Variants in ASPH observed in about 807,000 individuals in gnomAD.
ASPH encodes aspartate beta-hydroxylase.
ASPH carries 100 observed loss-of-function variants against 118.4 expected under a neutral mutation model. The observed-to-expected ratio is 0.84, with a 90% confidence interval of 0.72 to 1.00. ASPH has a LOEUF of 1.00. Among genes scored for constraint, ASPH ranks in the 50% least tolerant of loss-of-function variants. The pLI is 0.00. For synonymous variants in ASPH, 315 were observed against 325.6 expected (o/e 0.97, Z 0.35); for missense variants, 920 against 919.5 (o/e 1.00, Z -0.01).
chr8:61,684,279 T>G (rs966186666), intron 1 of ASPH, 91 bp from the exon 2 acceptor site: 3 of 1,323,744 alleles, frequency 2.3e-6, no homozygotes, highest in Non-Finnish European at 3.1e-6. Flanking sequence ...TTTGGGATTA[T>G]GTACAATGAT....
In ASPH at chr8:61,664,039, T is replaced by C. The variant is rs569507156; in HGVS notation, c.323-10379A>G. 13 of 933,896 alleles carry C rather than the reference T, an allele frequency of 1.4e-5. No homozygotes were observed. In the African/African-American group the frequency reaches 2.1e-4, roughly 15 times the overall value. 57.9% of individuals were successfully genotyped at this position (933,896 alleles called of 1,614,324 possible). On this transcript the variant is annotated intron_variant, in intron 3 of 24. Coordinates refer to ENST00000379454, the MANE Select transcript of ASPH (RefSeq NM_004318.4). ...GTAGCATTTTTGATTCTGTTGTTAATAAGGTTAACATTAAGAGAATCAAAA... is the reference window on the plus strand; with the variant it reads ...GTAGCATTTTTGATTCTGTTGTTAACAAGGTTAACATTAAGAGAATCAAAA...
intron 24 of ASPH, among the ~76,000 whole-genome samples, chr8:61,513,073 A>G (rs910551478): frequency 6.6e-6 from 1 of 152,266 alleles, no homozygotes; most frequent in African/African-American, 2.4e-5. Context: ...ATATTTAAAC[A>G]GTATACACAC....
At chr8:61,577,450 T>C (rs761449715) in intron 15 of ASPH, among the ~76,000 whole-genome samples, 8 of 94,482 alleles carry the variant, frequency 8.5e-5, no homozygotes, top group Non-Finnish European at 1.7e-4. Context: ...AATGATGTAA[T>C]ATGTGGTTTT....
intron 14 of ASPH, among the ~76,000 whole-genome samples, chr8:61,611,844 A>T (rs947573175): frequency 6.6e-6 from 1 of 152,226 alleles, no homozygotes; most frequent in African/African-American, 2.4e-5. Flanking sequence ...GCTGCTTTAC[A>T]CTGTTGGAGA....
chr8:61,584,407 A>G (rs1838629183), intron 14 of ASPH, among the ~76,000 whole-genome samples: 1 of 152,178 alleles, frequency 6.6e-6, no homozygotes, highest in African/African-American at 2.4e-5. Context: ...GAATATGTCC[A>G]CAACTTTTTC....
chr8:61,548,124 T>G lies in ASPH; in HGVS notation c.1711A>C (p.Lys571Gln), dbSNP rs1171267797. 3.7e-6 allele frequency: 6 copies of G among 1,614,064 alleles called. No homozygotes were observed. Among genetic ancestry groups the G allele is most frequent in the Non-Finnish European group, 5.1e-6 (6 of 1,179,912 alleles). ...TTTGGGGTCCACCAAGGCTGTGCTT[T>G]CAGTCCATTCACATTGTAGAGTGAG... ...QRSLYNVNGL[K>Q]AQPWWTPKET... Residue 571 changes from lysine (K) to glutamine (Q), a missense_variant, in exon 21 of 25, where the codon AAA (lysine) becomes CAA (glutamine). Lys to Gln is a moderately conservative substitution (Grantham distance 53, BLOSUM62 1). Coordinates refer to ENST00000379454, the MANE Select transcript of ASPH (RefSeq NM_004318.4).
intron 13 of ASPH, among the ~76,000 whole-genome samples, chr8:61,629,893 C>T (rs1358533732): frequency 1.3e-5 from 2 of 152,168 alleles, no homozygotes; most frequent in Admixed American, 6.5e-5. Flanking sequence ...CGATTTCTAC[C>T]ACTTGTCAGC....
At chr8:61,679,169 C>G (rs562519790) in intron 3 of ASPH, among the ~76,000 whole-genome samples, 1 of 152,110 alleles carries the variant, frequency 6.6e-6, no homozygotes, top group Admixed American at 6.6e-5. Context: ...AAGCCACAAG[C>G]CAACTGCAAA....
chr8:61,555,591 C>T (rs1208858590), intron 19 of ASPH, among the ~76,000 whole-genome samples: 1 of 152,168 alleles, frequency 6.6e-6, no homozygotes, highest in Non-Finnish European at 1.5e-5. Context: ...CCACACCCGG[C>T]CTATTGTCTT....
intron 24 of ASPH, among the ~76,000 whole-genome samples, chr8:61,509,483 G>A (rs577591863): frequency 6.6e-6 from 1 of 152,232 alleles, no homozygotes; most frequent in East Asian, 1.9e-4. Context: ...GACGACCAGA[G>A]GTCACTCTCA....
Position 61,526,092 on chromosome 8 carries a change from CT to C in ASPH, c.1784del (p.Lys595SerfsTer2), listed in dbSNP as rs768615771. On this transcript the variant is annotated frameshift_variant, in exon 22 of 25. Transcript: ENST00000379454. LOFTEE classifies it high-confidence loss of function. ...CTGCAAGGCCTTCATCTCGGATTAACTTCCAGTTTCTTTCTAAAGACTAGAG... is the reference window on the plus strand; with the variant it reads ...CTGCAAGGCCTTCATCTCGGATTAACTCCAGTTTCTTTCTAAAGACTAGAG... ...ELVKSLERNW[K>X]LIRDEGLAVM... 6.2e-7 allele frequency: 1 copy of C among 1,613,994 alleles called. No homozygotes were observed. The highest frequency in any genetic ancestry group is 8.5e-7 in the Non-Finnish European group (1 of 1,179,890).
Position 61,517,572 on chromosome 8 carries a change from C to T in ASPH, c.2082G>A (p.Val694=). Residue 694 remains valine, a synonymous_variant, in exon 24 of 25, where the codon GTG becomes GTA. Coordinates refer to ENST00000379454, the MANE Select transcript of ASPH (RefSeq NM_004318.4). ...GAATCTTGCAGCCTTCCTTGGGAAT[C>T]ACCAAGCCCAGGTGCATTCGGAGCC... ...NCRLRMHLGL[V]IPKEGCKIRC... is the part of the protein sequence containing the mutation. 6.2e-7 allele frequency: 1 copy of T among 1,614,178 alleles called. No homozygotes were observed. Among genetic ancestry groups the T allele is most frequent in the Non-Finnish European group, 8.5e-7 (1 of 1,179,998 alleles).
At chr8:61,714,188 T>G in intron 1 of ASPH, 81 bp downstream of exon 1, 2 of 1,345,914 alleles carry the variant, frequency 1.5e-6, no homozygotes, top group Non-Finnish European at 1.9e-6. Context: ...CCTGGGGAGA[T>G]GCACCCGCAG....
At chr8:61,559,633 T>C (rs1829085500) in intron 18 of ASPH, among the ~76,000 whole-genome samples, 1 of 152,212 alleles carries the variant, frequency 6.6e-6, no homozygotes, top group African/African-American at 2.4e-5. Flanking sequence ...CAGCAAGAGT[T>C]AAAAGATTTT....
intron 3 of ASPH, chr8:61,657,355 T>A (rs1814269377): frequency 6.6e-6 from 1 of 152,208 alleles, no homozygotes; most frequent in African/African-American, 2.4e-5. Context: ...ATTTTACCAC[T>A]GTGGGAACAT....
intron 21 of ASPH, among the ~76,000 whole-genome samples, chr8:61,526,726 C>A (rs528683016): frequency 1.3e-5 from 2 of 152,240 alleles, no homozygotes; most frequent in Non-Finnish European, 2.9e-5. Flanking sequence ...TAGCCCCTGC[C>A]AGAAAGGGAG....
intron 12 of ASPH, 75 bp downstream of exon 12, chr8:61,637,872 T>C (rs1176464065): frequency 1.4e-6 from 2 of 1,403,604 alleles, no homozygotes; most frequent in Non-Finnish European, 9.9e-7. Context: ...AAGTAGGAAA[T>C]GTTCGATAAA....
intron 14 of ASPH, among the ~76,000 whole-genome samples, chr8:61,598,886 C>T (rs1006745815): frequency 2.6e-5 from 4 of 152,064 alleles, no homozygotes; most frequent in Non-Finnish European, 4.4e-5. Flanking sequence ...CAACATGCTC[C>T]TGAATGGCCA....
intron 15 of ASPH, among the ~76,000 whole-genome samples, chr8:61,582,373 TTA>T (rs1201728942): frequency 2.0e-5 from 3 of 152,224 alleles, no homozygotes; most frequent in African/African-American, 7.2e-5. Context: ...ACTCCCATTT[TTA>T]TATATGACAT....
Sources: gnomAD v4.1 joint callset for allele counts (sites outside exome capture counted in the v4.1 genomes callset) on GRCh38, gnomAD v4.1.1 for gene constraint, MANE v1.5 for transcripts, NCBI Gene and HGNC (gene_info 2026-07-23, HGNC 2026-07-21) for gene names.